Variants in IPMK observed in about 807,000 individuals in gnomAD.
IPMK encodes inositol polyphosphate multikinase.
Under a neutral mutation model 45.8 loss-of-function variants are expected in IPMK, and 17 were observed. The ratio of observed to expected loss-of-function variants is 0.37; its 90% CI spans 0.25 to 0.56. The LOEUF (loss-of-function observed/expected upper bound fraction) is 0.56, where lower values mean the gene tolerates loss of function less well. Among genes scored for constraint, IPMK ranks in the 20% least tolerant of loss-of-function variants. The pLI is 0.79. For synonymous variants in IPMK, 180 were observed against 184.3 expected, an observed-to-expected ratio of 0.98 and a Z score of 0.19; for missense variants, 399 against 498.0, an observed-to-expected ratio of 0.80 and a Z score of 1.89.
chr10:58,249,968 G>C lies in IPMK; in HGVS notation c.191-12154C>G, dbSNP rs1247516214. Among the ~76,000 whole-genome samples, 6 of 152,164 alleles carry C rather than the reference G, an allele frequency of 3.9e-5. No individual in the cohort carries two copies. In the East Asian group the frequency reaches 1.2e-3, roughly 29 times the overall value. On this transcript the variant is annotated intron_variant, in intron 1 of 5. Transcript: ENST00000373935. ...TCCCTTCCCCAATGTATGTGGCTTA[G>C]CACCTTTGCCAAAAATCAGTTGGCT...
chr10:58,203,285 G>A (rs1769047), intron 4 of IPMK, among the ~76,000 whole-genome samples: 14 of 152,134 alleles, frequency 9.2e-5, no homozygotes, highest in South Asian at 4.1e-4. Flanking sequence ...ATGATAAACC[G>A]TGAATGGATG....
intron 3 of IPMK, among the ~76,000 whole-genome samples, chr10:58,226,684 G>A (rs930937516): frequency 3.3e-5 from 5 of 152,112 alleles, no homozygotes; most frequent in African/African-American, 1.2e-4. Flanking sequence ...ATAAGAGACT[G>A]GGAGGAAGTC....
chr10:58,252,787 T>G (rs537738874), intron 1 of IPMK, among the ~76,000 whole-genome samples: 2 of 151,954 alleles, frequency 1.3e-5, no homozygotes, highest in African/African-American at 4.8e-5. Context: ...AATTTTTGTA[T>G]TTTTAGTAGA....
intron 3 of IPMK, among the ~76,000 whole-genome samples, chr10:58,221,202 G>A (rs774706926): frequency 1.3e-5 from 2 of 152,026 alleles, no homozygotes; most frequent in African/African-American, 2.4e-5. Flanking sequence ...TTTTGCATGT[G>A]TCATGACTGC....
chr10:58,197,786 A>ACTT (rs1837931583), intron 5 of IPMK, among the ~76,000 whole-genome samples: 2 of 152,190 alleles, frequency 1.3e-5, no homozygotes, highest in Admixed American at 1.3e-4. Flanking sequence ...TAATCCCAGC[A>ACTT]CTTTCGGAGG....
intron 3 of IPMK, among the ~76,000 whole-genome samples, chr10:58,221,290 T>G (rs888287838): frequency 1.3e-5 from 2 of 151,854 alleles, no homozygotes; most frequent in Non-Finnish European, 2.9e-5. Flanking sequence ...TTCCCAAATC[T>G]CCTCACTTTT....
At chr10:58,261,669 C>T (rs577442502) in intron 1 of IPMK, among the ~76,000 whole-genome samples, 19 of 151,992 alleles carry the variant, frequency 1.3e-4, no homozygotes, top group African/African-American at 3.9e-4. Flanking sequence ...CTGCAACCTC[C>T]GCTCCCAGGT....
intron 1 of IPMK, among the ~76,000 whole-genome samples, chr10:58,256,498 G>T (rs1465897113): frequency 6.6e-6 from 1 of 152,172 alleles, no homozygotes; most frequent in African/African-American, 2.4e-5. Context: ...GTGGGACATG[G>T]AACCTCATCA....
At chr10:58,216,745 G>A (rs1057512563) in intron 3 of IPMK, among the ~76,000 whole-genome samples, 4 of 152,130 alleles carry the variant, frequency 2.6e-5, no homozygotes, top group Non-Finnish European at 5.9e-5. Context: ...CCTTCCCACA[G>A]AGTAATATAA....
At chr10:58,244,086 T>C (rs545542195) in intron 1 of IPMK, among the ~76,000 whole-genome samples, 86 of 147,494 alleles carry the variant, frequency 5.8e-4, no homozygotes, top group Middle Eastern at 8.2e-3. Context: ...GGGGAACGTC[T>C]CTGCCCGGCC....
chr10:58,230,409 C>A (rs1838495311), intron 2 of IPMK, among the ~76,000 whole-genome samples: 1 of 152,208 alleles, frequency 6.6e-6, no homozygotes, highest in Admixed American at 6.5e-5. Context: ...TAGGGGCCAA[C>A]AGACACCTCA....
Position 58,267,653 on chromosome 10 carries a change from A to T in IPMK, c.-42T>A. The T allele has an allele frequency of 3.6e-6, 5 of 1,384,252 alleles. No homozygotes were observed. Among genetic ancestry groups the T allele is most frequent in the Non-Finnish European group, 5.0e-6 (5 of 997,162 alleles). The allele number at this position is 1,384,252 out of a possible 1,614,324, so 85.7% of individuals were successfully genotyped here. A position where few individuals can be genotyped will look rare whatever the true frequency, so the allele number is the denominator to read the frequency against. On this transcript the variant is annotated 5_prime_UTR_variant, in exon 1 of 6. Transcript: ENST00000373935. ...GGTAACGGCAGCGAGAGTAGGAAAAAAAATAGGGCGAGGGAGGGGGCGCCG... is the reference window on the plus strand; with the variant it reads ...GGTAACGGCAGCGAGAGTAGGAAAATAAATAGGGCGAGGGAGGGGGCGCCG...
chr10:58,213,354 G>A (rs1838194311), intron 4 of IPMK, among the ~76,000 whole-genome samples: 1 of 152,204 alleles, frequency 6.6e-6, no homozygotes, highest in African/African-American at 2.4e-5. Context: ...GAAGGCAGAT[G>A]TTAAAATGGA....
At chr10:58,228,685 C>T (rs1838459379) in intron 2 of IPMK, among the ~76,000 whole-genome samples, 1 of 152,202 alleles carries the variant, frequency 6.6e-6, no homozygotes, top group African/African-American at 2.4e-5. Context: ...AGGCGTCCGC[C>T]ACCACACCCA....
At chr10:58,256,865 C>A (rs1382897451) in intron 1 of IPMK, among the ~76,000 whole-genome samples, 2 of 152,120 alleles carry the variant, frequency 1.3e-5, no homozygotes, top group East Asian at 3.9e-4. Context: ...GAGTTCAAGA[C>A]CAGCCTCGGC....
rs79391380 is a variant in IPMK at position 58,214,408 on chromosome 10, G to A, written c.546+1737C>T. 1.0e-3 allele frequency among the ~76,000 whole-genome samples: 156 copies of A among 152,352 alleles called. 2 individuals carry two copies. The East Asian group carries it at 0.023, about 22-fold the overall frequency. Reference sequence around the variant, plus strand: ...TCATCTGCTAAAAGTCAGAAGGAAAGAGGGAGGGTGAGAGATCTGAAAACA... The same window carrying A: ...TCATCTGCTAAAAGTCAGAAGGAAAAAGGGAGGGTGAGAGATCTGAAAACA... On this transcript the variant is annotated intron_variant, in intron 4 of 5. Coordinates refer to ENST00000373935, the MANE Select transcript of IPMK (RefSeq NM_152230.5).
At chr10:58,227,180 C>T in intron 2 of IPMK, 41 bp from the exon 3 acceptor site, 1 of 1,343,598 alleles carries the variant, frequency 7.4e-7, no homozygotes, top group Non-Finnish European at 1.1e-6. Context: ...TCTTACAATG[C>T]TTTGTAACTG....
At chr10:58,225,428 ATAT>A (rs1384036406) in intron 3 of IPMK, among the ~76,000 whole-genome samples, 1 of 150,572 alleles carries the variant, frequency 6.6e-6, no homozygotes, top group African/African-American at 2.5e-5. Context: ...CTTCAAGATT[ATAT>A]AGTATTGAAG....
intron 1 of IPMK, among the ~76,000 whole-genome samples, chr10:58,253,676 G>A (rs767771241): frequency 2.0e-5 from 3 of 146,928 alleles, no homozygotes; most frequent in Non-Finnish European, 3.0e-5. Flanking sequence ...TGTGGAGGCT[G>A]CAGTGAGCCA....
Sources: allele counts gnomAD v4.1 joint callset (sites outside exome capture counted in the v4.1 genomes callset), GRCh38; gene constraint gnomAD v4.1.1; transcripts MANE v1.5; gene names NCBI Gene and HGNC (gene_info 2026-07-23, HGNC 2026-07-21).